The following PLG variants were observed in gnomAD, a reference collection of about 807,000 sequenced individuals.
The protein encoded by PLG is plasmin.
In PLG, 41 loss-of-function variants were observed where a neutral mutation model predicts 104.4. The observed-to-expected ratio is 0.39, with a 90% CI of 0.31 to 0.51. PLG has a LOEUF of 0.51. Among genes scored for constraint, PLG ranks in the 20% least tolerant of loss-of-function variants. The probability of loss-of-function intolerance (pLI) is 0.76; values close to 1 mark genes in which losing one functional copy is unlikely to be tolerated. For synonymous variants in PLG, 337 were observed against 357.1 expected, an observed-to-expected ratio of 0.94 and a Z score of 0.63; for missense variants, 891 against 1,003.6, an observed-to-expected ratio of 0.89 and a Z score of 1.52.
rs1777525600 is a variant in PLG at position 160,706,442 on chromosome 6, C to G, written c.85C>G (p.Gln29Glu). 1 of 1,613,630 alleles carries G rather than the reference C, an allele frequency of 6.2e-7. No homozygotes were observed. Among genetic ancestry groups the G allele is most frequent in the Non-Finnish European group, 8.5e-7 (1 of 1,179,672 alleles). ...GCCTCTGGATGACTATGTGAATACC[C>G]AGGGGGCTTCACTGTTCAGTGTCAC... ...GEPLDDYVNT[Q>E]GASLFSVTKK... The change falls in exon 2 of 19, where the codon CAG becomes GAG. Residue 29 changes from glutamine to glutamate, a missense_variant. This residue lies in a region of PLG where 854 missense variants were observed against 932.1 expected (regional missense o/e 0.92). Transcript: ENST00000308192.
In PLG at chr6:160,713,106, C is replaced by T. The variant is rs558599800; in HGVS notation, c.528C>T (p.Cys176=). 4.0e-5 allele frequency: 64 copies of T among 1,610,016 alleles called. 1 individual carries two copies. In the Admixed American group the frequency reaches 5.2e-4, roughly 13 times the overall value. The change falls in exon 5 of 19, where the codon TGC becomes TGT. Residue 176 remains cysteine, a synonymous_variant. Coordinates refer to ENST00000308192, the MANE Select transcript of PLG (RefSeq NM_000301.5). The part of the protein sequence containing the change: ...TTDPEKRYDY[C]DILECEEECM... ...ATCCAGAAAAGAGATATGACTACTG[C>T]GACATTCTTGAGTGTGAAGGTCAGG...
intron 17 of PLG, among the ~76,000 whole-genome samples, chr6:160,745,994 T>C (rs1778270910): frequency 6.6e-6 from 1 of 152,210 alleles, no homozygotes; most frequent in African/African-American, 2.4e-5. Context: ...TTGAGAGGTA[T>C]GCTGTTAGAT....
chr6:160,706,697 G>A (rs1327613134), intron 2 of PLG, 155 bp downstream of exon 2: 7 of 739,452 alleles, frequency 9.5e-6, no homozygotes, highest in Non-Finnish European at 1.4e-5. Context: ...CATACTAACA[G>A]CTTCTTGTTA....
chr6:160,714,096 TTA>T (rs1777691792), intron 5 of PLG, among the ~76,000 whole-genome samples: 3 of 152,184 alleles, frequency 2.0e-5, no homozygotes, highest in African/African-American at 7.2e-5. Context: ...TGCATCACTG[TTA>T]TATTAAGTCT....
intron 9 of PLG, among the ~76,000 whole-genome samples, chr6:160,720,508 C>T (rs1282224777): frequency 6.9e-6 from 1 of 145,244 alleles, no homozygotes; most frequent in Non-Finnish European, 1.5e-5. Context: ...CAAACTCCAC[C>T]TCCCAGGTTC....
rs761837620 is a variant in PLG, at chr6:160,706,392, A to C, written c.50-15A>C. The C allele has an allele frequency of 3.7e-6, 6 of 1,612,228 alleles. No homozygotes were observed. The East Asian group carries it at 6.7e-5, about 18-fold the overall frequency. On this transcript the variant is annotated splice_polypyrimidine_tract_variant and intron_variant, in intron 1 of 18. Transcript: ENST00000308192. ...TTTACTGACCATTTATTCCACTTGG[A>C]TCTCCCACCTCTAGGTCAAGGAGAG...
intron 17 of PLG, among the ~76,000 whole-genome samples, chr6:160,748,401 G>GAAAGA (rs1562383473): frequency 0.042 from 3,014 of 71,052 alleles, 376 homozygotes; most frequent in Non-Finnish European, 0.047. Flanking sequence ...AGAAAGAAAG[G>GAAAGA]AAGAAAGAAA....
intron 3 of PLG, among the ~76,000 whole-genome samples, chr6:160,709,878 G>T (rs781015617): frequency 6.6e-6 from 1 of 152,116 alleles, no homozygotes; most frequent in African/African-American, 2.4e-5. Context: ...GGCTAAAGTG[G>T]GTAACCTTAA....
rs554668783 is a variant in PLG, at chr6:160,744,116, T to A, written c.2125+2699T>A. Among the ~76,000 whole-genome samples, 4 of 152,236 alleles carry A rather than the reference T, an allele frequency of 2.6e-5. No individual in the cohort carries two copies. Among genetic ancestry groups the A allele is most frequent in the Admixed American group, 6.5e-5 (1 of 15,302 alleles). ...GTTCATCAAGGATATTGGCCTGAAG[T>A]TTTTTGTTGTTTTTGTGTCTCTGCC... On this transcript the variant is annotated intron_variant, in intron 17 of 18. Transcript: ENST00000308192. The surrounding 1 kb of genome is among the most constrained non-coding windows in gnomAD (Gnocchi z 4.5).
At chr6:160,703,034 A>G (rs1050383696) in intron 1 of PLG, among the ~76,000 whole-genome samples, 20 of 141,300 alleles carry the variant, frequency 1.4e-4, no homozygotes, top group African/African-American at 6.0e-4. Context: ...ATACTAGCTT[A>G]TTTAGCTCGT....
At chr6:160,716,826 A>C in intron 7 of PLG, 63 bp downstream of exon 7, 1 of 997,136 alleles carries the variant, frequency 1.0e-6, no homozygotes, top group Admixed American at 1.7e-5. Context: ...AATCAAAAGA[A>C]AACATGTGTC....
At chr6:160,702,771 C>T (rs1175255394) in intron 1 of PLG, among the ~76,000 whole-genome samples, 3 of 152,292 alleles carry the variant, frequency 2.0e-5, no homozygotes, top group East Asian at 1.9e-4. Flanking sequence ...GAATATATTC[C>T]GTTCTCTCAC....
chr6:160,703,317 C>A (rs1400006994), intron 1 of PLG, among the ~76,000 whole-genome samples: 2 of 151,602 alleles, frequency 1.3e-5, no homozygotes, highest in African/African-American at 2.4e-5. Flanking sequence ...AGAATTCACC[C>A]ATTTAGGCAT....
chr6:160,734,451 G>A lies in PLG; in HGVS notation c.1681+363G>A, dbSNP rs983428533. On this transcript the variant is annotated intron_variant, in intron 13 of 18. Transcript: ENST00000308192. The surrounding 1 kb of genome is among the most constrained non-coding windows in gnomAD (Gnocchi z 4.4). ...AACTTTCCCTTTCCACAGCTGAGAAGTAAGAAAGAAAATACAAACAGCAGG... is the reference window on the plus strand; with the variant it reads ...AACTTTCCCTTTCCACAGCTGAGAAATAAGAAAGAAAATACAAACAGCAGG... Among the ~76,000 whole-genome samples the A allele has an allele frequency of 1.3e-5, 2 of 152,148 alleles. No homozygotes were observed. Among genetic ancestry groups the A allele is most frequent in the African/African-American group, 2.4e-5 (1 of 41,422 alleles).
chr6:160,714,191 G>A (rs926566125), intron 5 of PLG, among the ~76,000 whole-genome samples: 2 of 152,098 alleles, frequency 1.3e-5, no homozygotes, highest in African/African-American at 4.8e-5. Context: ...CTGAATCAAA[G>A]TTTAAGTTTG....
At position 160,718,305 on chromosome 6, in the gene PLG, C is replaced by A. The variant is rs1777775360; in HGVS notation, c.799C>A (p.Pro267Thr). Residue 267 changes from proline (P) to threonine (T), a missense_variant, in exon 8 of 19, where the codon CCA becomes ACA. Around this residue, in one of 2 missense-constraint regions of PLG, gnomAD observed 854 missense variants for 932.1 expected, o/e 0.92. Transcript: ENST00000308192. ...CDIPRCTTPP[P>T]SSGPTYQCLK... is the part of the protein sequence containing the mutation. ...TTTGCCCATTCAAGCAACACCTCCA[C>A]CATCTTCTGGTCCCACCTACCAGTG... 1.2e-6 allele frequency: 2 copies of A among 1,613,712 alleles called. No individual in the cohort carries two copies. Among genetic ancestry groups the A allele is most frequent in the Non-Finnish European group, 1.7e-6 (2 of 1,179,572 alleles).
At chr6:160,742,751 G>A (rs888159549) in intron 17 of PLG, among the ~76,000 whole-genome samples, 3 of 152,080 alleles carry the variant, frequency 2.0e-5, no homozygotes, top group Admixed American at 2.0e-4. Flanking sequence ...TGTTACCTAG[G>A]TTGTCTTCCA....
rs750685941 is a variant in PLG at position 160,739,158 on chromosome 6, G to A, written c.1968G>A (p.Arg656=). ...EPHVQEIEVS[R]LFLEPTRKDI... ...ATGTTCAGGAAATAGAAGTGTCTAG[G>A]CTGTTCTTGGAGCCCACACGAAAAG... The change falls in exon 16 of 19, where the codon AGG becomes AGA. Residue 656 remains arginine, a synonymous_variant. Coordinates refer to ENST00000308192, the MANE Select transcript of PLG (RefSeq NM_000301.5). The surrounding 1 kb of genome is among the most constrained non-coding windows in gnomAD (Gnocchi z 4.4). 1.9e-6 allele frequency: 3 copies of A among 1,614,104 alleles called. No homozygotes were observed. The Admixed American group carries it at 5.0e-5, about 27-fold the overall frequency.
At chr6:160,746,799 A>G (rs1346888728) in intron 17 of PLG, among the ~76,000 whole-genome samples, 1 of 152,114 alleles carries the variant, frequency 6.6e-6, no homozygotes, top group East Asian at 1.9e-4. Flanking sequence ...AGCCTTGTGC[A>G]GGGTCTTTAT....
Sources: allele counts gnomAD v4.1 joint callset (sites outside exome capture counted in the v4.1 genomes callset), GRCh38; gene constraint gnomAD v4.1.1; regional missense constraint gnomAD v4.1.1; non-coding constraint Gnocchi (gnomAD v3.1); transcripts MANE v1.5; gene names NCBI Gene and HGNC (gene_info 2026-07-23, HGNC 2026-07-21).